The following PTPRH variants were observed in gnomAD, a reference collection of about 807,000 sequenced individuals.
The protein encoded by PTPRH is receptor-type tyrosine-protein phosphatase H.
A neutral mutation model predicts 130.2 loss-of-function variants in PTPRH; 113 were observed. The ratio of observed to expected loss-of-function variants is 0.87; its 90% CI spans 0.75 to 1.01. The LOEUF (loss-of-function observed/expected upper bound fraction) is 1.01. Among genes scored for constraint, PTPRH ranks in the 50% least tolerant of loss-of-function variants. The pLI, the probability that PTPRH is intolerant of heterozygous loss-of-function variation, is 0.00. For synonymous variants in PTPRH, 556 were observed against 577.9 expected, an observed-to-expected ratio of 0.96 and a Z score of 0.54; for missense variants, 1,430 against 1,425.0, an observed-to-expected ratio of 1.00 and a Z score of -0.06.
At chr19:55,203,361 T>C (rs2086934341) in intron 5 of PTPRH, among the ~76,000 whole-genome samples, 1 of 149,470 alleles carries the variant, frequency 6.7e-6, no homozygotes, top group Non-Finnish European at 1.5e-5. Context: ...TCTGATGGGC[T>C]ACATAAAATA....
chr19:55,188,413 T>C (rs577130391), intron 12 of PTPRH, among the ~76,000 whole-genome samples: 3 of 152,186 alleles, frequency 2.0e-5, no homozygotes, highest in Non-Finnish European at 2.9e-5. Context: ...CTCGGGAGGC[T>C]GAGGCAGAAG....
Position 55,189,725 on chromosome 19 carries a change from GAT to G in PTPRH, c.2385-1559_2385-1558del, listed in dbSNP as rs781617231. 1.2e-4 allele frequency: 53 copies of G among 455,876 alleles called. 1 individual carries two copies. Among genetic ancestry groups the G allele is most frequent in the South Asian group, 8.2e-4 (53 of 64,554 alleles). 28.2% of individuals were successfully genotyped at this position (455,876 alleles called of 1,614,324 possible). A position where few individuals can be genotyped will look rare whatever the true frequency, so the allele number is the denominator to read the frequency against. ...GCTGGGTGCAGCGGCTCACGCCTGT[GAT>G]GCAAACACTTTGGGAGGCCGAGGTG... On this transcript the variant is annotated intron_variant, in intron 12 of 19. Coordinates refer to ENST00000376350, the MANE Select transcript of PTPRH (RefSeq NM_002842.5).
rs2086952938 is a variant in PTPRH at position 55,203,858 on chromosome 19, C to G, written c.810G>C (p.Gly270=). Residue 270 remains glycine (G), a synonymous_variant, in exon 5 of 20, where the codon GGG becomes GGC. Transcript: ENST00000376350. ...CCCACACAGAACACGTATACAATGA[C>G]CCGGGTCCAAGGCCATCCACGGTGA... The part of the protein sequence containing the change: ...TRVTVDGLGP[G]SLYTCSVWVE... 6.2e-7 allele frequency: 1 copy of G among 1,614,186 alleles called. No individual in the cohort carries two copies. Among genetic ancestry groups the G allele is most frequent in the East Asian group, 2.2e-5 (1 of 44,882 alleles).
chr19:55,191,817 T>C (rs1325667765), intron 10 of PTPRH, 76 bp from the exon 11 acceptor site: 1 of 1,291,362 alleles, frequency 7.7e-7, no homozygotes, highest in Non-Finnish European at 1.1e-6. Flanking sequence ...TGCCCAGCCT[T>C]TCCTCTTCCC....
chr19:55,192,864 T>A (rs1224230768), intron 10 of PTPRH, among the ~76,000 whole-genome samples: 1 of 151,850 alleles, frequency 6.6e-6, no homozygotes, highest in East Asian at 2.0e-4. Context: ...ATATGCAGAT[T>A]TTCTACTGTG....
rs573951570 is a variant in PTPRH, at chr19:55,192,326, C to T, written c.2258-585G>A. ...CTGAGGCAGGAGAATGGCGTGAACC[C>T]GGGAGGTGGAGCTTGCAGTGAGCCC... is the stretch of plus-strand genomic sequence containing the variant. On this transcript the variant is annotated intron_variant, in intron 10 of 19. Coordinates refer to ENST00000376350, the MANE Select transcript of PTPRH (RefSeq NM_002842.5). Among the ~76,000 whole-genome samples the T allele has an allele frequency of 2.3e-4, 35 of 151,710 alleles. No individual in the cohort carries two copies. The South Asian group carries it at 6.9e-3, about 30-fold the overall frequency.
intron 5 of PTPRH, 122 bp from the exon 6 acceptor site, chr19:55,202,444 G>A (rs1482671060): frequency 7.0e-7 from 1 of 1,423,022 alleles, no homozygotes. Flanking sequence ...ACTGTCCAGT[G>A]TGGCAGCCAC....
intron 10 of PTPRH, chr19:55,194,132 G>A (rs766098888): frequency 1.6e-6 from 2 of 1,286,620 alleles, no homozygotes; most frequent in Middle Eastern, 3.0e-4. Context: ...TTACAGGCGT[G>A]AGCCACCGCG....
chr19:55,206,905 T>C lies in PTPRH; in HGVS notation c.136A>G (p.Ile46Val). Residue 46 changes from isoleucine (I) to valine (V), a missense_variant, in exon 3 of 20, where the codon ATC becomes GTC. Physicochemically the swap from Ile to Val is conservative, Grantham distance 29 (BLOSUM62 3). Transcript: ENST00000376350. Reference protein sequence around the residue: ...LTVETQTTSSISLSWEVPDGL... With the variant: ...LTVETQTTSSVSLSWEVPDGL... ...TCGGGGACCTCCCAGCTCAGGGAGA[T>C]GGAGCTGGTGGTCTGAGTCTCCACT... 1 of 1,611,968 alleles carries C rather than the reference T, an allele frequency of 6.2e-7. No homozygotes were observed. Among genetic ancestry groups the C allele is most frequent in the East Asian group, 2.2e-5 (1 of 44,860 alleles).
intron 12 of PTPRH, among the ~76,000 whole-genome samples, chr19:55,190,300 G>A (rs1210488597): frequency 1.3e-5 from 2 of 149,654 alleles, no homozygotes; most frequent in Non-Finnish European, 3.0e-5. Context: ...AACCCGGGAG[G>A]CGGAGGTTGC....
In PTPRH at chr19:55,202,070, C is replaced by G. The variant is rs769189088; in HGVS notation, c.1139G>C (p.Arg380Pro). ...CTGCCTCTCACCTGTGGTGGCATTT[C>G]GAGTCTCCCGGGAGCTGTTGATTCC... ...KNGINSSRET[R>P]NATTAPNPVR... Residue 380 changes from arginine to proline, a missense_variant, in exon 6 of 20, where the codon CGA (arginine) becomes CCA (proline). Coordinates refer to ENST00000376350, the MANE Select transcript of PTPRH (RefSeq NM_002842.5). 1 of 1,614,126 alleles carries G rather than the reference C, an allele frequency of 6.2e-7. No homozygotes were observed.
chr19:55,204,044 G>A lies in PTPRH; in HGVS notation c.624C>T (p.His208=). 20 of 1,610,886 alleles carry A rather than the reference G, an allele frequency of 1.2e-5. No individual in the cohort carries two copies. Among genetic ancestry groups the A allele is most frequent in the Non-Finnish European group, 1.7e-5 (20 of 1,178,094 alleles). The change falls in exon 5 of 20, where the codon CAC becomes CAT. Residue 208 remains histidine, a synonymous_variant. Transcript: ENST00000376350. ...SRETRNATTA[H]NPVRNLRVEA... ...CCACTCTCAGGTTCCTCACTGGGTTGTGAGCTGAGAAATTAGGAAGAAAGA... is the reference window on the plus strand; with the variant it reads ...CCACTCTCAGGTTCCTCACTGGGTTATGAGCTGAGAAATTAGGAAGAAAGA...
In PTPRH at chr19:55,182,055, C is replaced by T; in HGVS notation, c.3159G>A (p.Arg1053=). Reference sequence around the variant, plus strand: ...TCAACGGCCGACTCTCTCTCATCTTCCTTACAAAGCTGAAGGGCCCAAGGA... The same window carrying T: ...TCAACGGCCGACTCTCTCTCATCTTTCTTACAAAGCTGAAGGGCCCAAGGA... ...EGLLGPFSFV[R]KMRESRPLMV... Residue 1053 remains arginine, a synonymous_variant, in exon 19 of 20, where the codon AGG becomes AGA. Transcript: ENST00000376350. The T allele has an allele frequency of 6.2e-7, 1 of 1,614,132 alleles. No homozygotes were observed.
At chr19:55,201,989 T>C (rs1162526937) in intron 6 of PTPRH, 67 bp downstream of exon 6, 1 of 1,584,534 alleles carries the variant, frequency 6.3e-7, no homozygotes, top group African/African-American at 1.3e-5. Flanking sequence ...TAGACAATCG[T>C]CTACATTCTA....
chr19:55,199,006 A>G (rs967121878), intron 7 of PTPRH, 94 bp from the exon 8 acceptor site: 2 of 1,213,754 alleles, frequency 1.6e-6, no homozygotes, highest in Middle Eastern at 3.1e-4. Context: ...AGCCCAGCTC[A>G]TCCAGAAACA....
intron 12 of PTPRH, among the ~76,000 whole-genome samples, chr19:55,189,231 C>T (rs1000184496): frequency 6.6e-6 from 1 of 152,188 alleles, no homozygotes; most frequent in Non-Finnish European, 1.5e-5. Context: ...AGTGATCCTC[C>T]CGCCTCGGCC....
intron 14 of PTPRH, among the ~76,000 whole-genome samples, 162 bp downstream of exon 14, chr19:55,187,344 CAAAAAAA>C (rs58124409): frequency 4.9e-4 from 22 of 45,318 alleles, no homozygotes; most frequent in African/African-American, 1.8e-3. Flanking sequence ...GACTCCGTCT[CAAAAAAA>C]AAAAAAAAAG....
chr19:55,194,190 A>G, intron 10 of PTPRH: 4 of 1,289,402 alleles, frequency 3.1e-6, no homozygotes, highest in Non-Finnish European at 4.0e-6. Context: ...CTCTGATGGC[A>G]CAGTTCTCCC....
Position 55,193,995 on chromosome 19 carries a change from C to T in PTPRH, c.2258-2254G>A, listed in dbSNP as rs563402478. The T allele has an allele frequency of 3.2e-3, 1,228 of 386,342 alleles. 7 individuals are homozygous for T. The highest frequency in any genetic ancestry group is 4.7e-3 in the Non-Finnish European group (984 of 211,220). 23.9% of individuals were successfully genotyped at this position (386,342 alleles called of 1,614,324 possible). Reference sequence around the variant, plus strand: ...TCCTGAGTAGTTGGGATGACAGACACGCGCCACCACGCCCAGCTAATTTTT... The same window carrying T: ...TCCTGAGTAGTTGGGATGACAGACATGCGCCACCACGCCCAGCTAATTTTT... On this transcript the variant is annotated intron_variant, in intron 10 of 19. Transcript: ENST00000376350.
Sources: allele counts gnomAD v4.1 joint callset (sites outside exome capture counted in the v4.1 genomes callset), GRCh38; gene constraint gnomAD v4.1.1; transcripts MANE v1.5; gene names NCBI Gene and HGNC (gene_info 2026-07-23, HGNC 2026-07-21).